Variants in TNIK observed in about 807,000 individuals in gnomAD.
TNIK encodes TRAF2 and NCK-interacting protein kinase.
TNIK carries 49 observed loss-of-function variants against 191.3 expected under a neutral mutation model. That is an observed-to-expected ratio of 0.26 (90% confidence interval 0.20 to 0.32). The LOEUF (loss-of-function observed/expected upper bound fraction) is 0.32, where lower values mean the gene tolerates loss of function less well. Ranked by LOEUF, TNIK falls within the 10% of genes least tolerant of loss-of-function variation. The probability of loss-of-function intolerance (pLI) is 1.00; values close to 1 mark genes in which losing one functional copy is unlikely to be tolerated. For synonymous variants in TNIK, 594 were observed against 600.9 expected (o/e 0.99, Z 0.17); for missense variants, 1,155 against 1,702.3 (o/e 0.68, Z 5.66).
intron 21 of TNIK, among the ~76,000 whole-genome samples, chr3:171,103,841 G>T (rs190227203): frequency 1.8e-4 from 27 of 151,886 alleles, no homozygotes; most frequent in Admixed American, 6.5e-4. Context: ...ATTTCAAAAC[G>T]AGACAAAAGA....
intron 1 of TNIK, among the ~76,000 whole-genome samples, chr3:171,427,981 G>T (rs1440318685): frequency 6.6e-6 from 1 of 152,168 alleles, no homozygotes; most frequent in African/African-American, 2.4e-5. Flanking sequence ...AATGAGGAGG[G>T]TGTGTGTTTG....
chr3:171,296,252 A>G (rs1477501971), intron 2 of TNIK, among the ~76,000 whole-genome samples: 2 of 152,110 alleles, frequency 1.3e-5, no homozygotes, highest in Non-Finnish European at 2.9e-5. Flanking sequence ...TAATTTCTAT[A>G]AATATGTTTT....
chr3:171,359,831 C>T (rs982021061), intron 2 of TNIK, among the ~76,000 whole-genome samples: 2 of 152,000 alleles, frequency 1.3e-5, no homozygotes, highest in African/African-American at 4.8e-5. Context: ...AGTTAAAAAC[C>T]GTGAAGAGCC....
intron 27 of TNIK, 117 bp downstream of exon 27, chr3:171,082,134 A>G (rs1334705402): frequency 7.3e-7 from 1 of 1,374,808 alleles, no homozygotes; most frequent in Non-Finnish European, 9.8e-7. Flanking sequence ...CTATACTGCT[A>G]TACTTTATTG....
intron 2 of TNIK, among the ~76,000 whole-genome samples, chr3:171,278,962 T>C (rs961237530): frequency 6.6e-6 from 1 of 152,182 alleles, no homozygotes; most frequent in Non-Finnish European, 1.5e-5. Context: ...TACTGAGCAC[T>C]ATTATTGATT....
At chr3:171,088,836 T>G (rs1421292877) in intron 23 of TNIK, among the ~76,000 whole-genome samples, 1 of 152,238 alleles carries the variant, frequency 6.6e-6, no homozygotes, top group East Asian at 1.9e-4. Flanking sequence ...CAGATCTGAT[T>G]AAGTGATGAT....
intron 1 of TNIK, among the ~76,000 whole-genome samples, chr3:171,396,019 G>A (rs1015395842): frequency 2.0e-5 from 3 of 152,068 alleles, no homozygotes; most frequent in Non-Finnish European, 2.9e-5. Flanking sequence ...TCAGATATGT[G>A]CAACCATCAC....
intron 23 of TNIK, among the ~76,000 whole-genome samples, chr3:171,089,302 C>T (rs1721755668): frequency 1.3e-5 from 2 of 152,206 alleles, no homozygotes; most frequent in South Asian, 4.1e-4. Context: ...TTCTAAATGA[C>T]ATTTAGGAAA....
At chr3:171,118,727 G>A (rs893492306) in intron 18 of TNIK, among the ~76,000 whole-genome samples, 5 of 152,106 alleles carry the variant, frequency 3.3e-5, no homozygotes, top group African/African-American at 1.2e-4. Flanking sequence ...GGGAAAACTG[G>A]CTAGCCATAT....
At chr3:171,113,989 C>T (rs80085134) in intron 18 of TNIK, among the ~76,000 whole-genome samples, 2,901 of 84,560 alleles carry the variant, frequency 0.034, 99 homozygotes, top group African/African-American at 0.13. Context: ...GAGGATTTTA[C>T]GATTTTGTTA....
At chr3:171,385,936 A>T (rs1245707143) in intron 1 of TNIK, among the ~76,000 whole-genome samples, 1 of 152,176 alleles carries the variant, frequency 6.6e-6, no homozygotes, top group Non-Finnish European at 1.5e-5. Flanking sequence ...TTTTTTGAAC[A>T]AAATGCTGTT....
intron 18 of TNIK, among the ~76,000 whole-genome samples, chr3:171,119,866 G>A (rs1727382335): frequency 6.6e-6 from 1 of 152,158 alleles, no homozygotes; most frequent in Admixed American, 6.5e-5. Flanking sequence ...GTTAATGGGT[G>A]CAGCACACCA....
At chr3:171,076,563 CT>C in intron 28 of TNIK, among the ~76,000 whole-genome samples, 1 of 152,242 alleles carries the variant, frequency 6.6e-6, no homozygotes, top group Non-Finnish European at 1.5e-5. Context: ...TATTGTCATT[CT>C]TTATGTTAAA....
At chr3:171,088,907 G>A (rs1021892629) in intron 23 of TNIK, among the ~76,000 whole-genome samples, 5 of 152,190 alleles carry the variant, frequency 3.3e-5, no homozygotes, top group Non-Finnish European at 5.9e-5. Flanking sequence ...TTCCTACTAA[G>A]TGTAAAGCAT....
At chr3:171,435,914 C>A (rs902293085) in intron 1 of TNIK, among the ~76,000 whole-genome samples, 2 of 152,132 alleles carry the variant, frequency 1.3e-5, no homozygotes, top group African/African-American at 2.4e-5. Flanking sequence ...ACAGACAGAA[C>A]AACTCAGACA....
chr3:171,083,639 C>T (rs1298294794), intron 26 of TNIK, among the ~76,000 whole-genome samples: 1 of 152,144 alleles, frequency 6.6e-6, no homozygotes, highest in Non-Finnish European at 1.5e-5. Flanking sequence ...TTGTTCTTTT[C>T]AAGTTTTATC....
chr3:171,137,680 T>C (rs67154420), intron 15 of TNIK, among the ~76,000 whole-genome samples: 37,396 of 152,110 alleles, frequency 0.25, 6,208 homozygotes, highest in African/African-American at 0.47. Context: ...ACCTCTGATC[T>C]TAAAAGTGAA....
At chr3:171,068,512 T>A (rs934805589) in intron 30 of TNIK, among the ~76,000 whole-genome samples, 1 of 152,172 alleles carries the variant, frequency 6.6e-6, no homozygotes, top group Non-Finnish European at 1.5e-5. Context: ...ATGAACGAAT[T>A]TCCCTTCAAA....
chr3:171,128,911 A>G lies in TNIK; in HGVS notation c.1609-33T>C, dbSNP rs1560154319. 3 of 1,492,358 alleles carry G rather than the reference A, an allele frequency of 2.0e-6. No homozygotes were observed. In the South Asian group the frequency reaches 4.0e-5, roughly 20 times the overall value. The allele number at this position is 1,492,358 out of a possible 1,614,324, so 92.4% of individuals were successfully genotyped here. Reference sequence around the variant, plus strand: ...CCAAAAAAAAAAAAAAAAAAAAGACAGCCTCAATGTATAGAAGTAGATCAC... The same window carrying G: ...CCAAAAAAAAAAAAAAAAAAAAGACGGCCTCAATGTATAGAAGTAGATCAC... On this transcript the variant is annotated intron_variant, in intron 15 of 32. Coordinates refer to ENST00000436636, the MANE Select transcript of TNIK (RefSeq NM_015028.4).
Sources: allele counts gnomAD v4.1 joint callset (sites outside exome capture counted in the v4.1 genomes callset), GRCh38; gene constraint gnomAD v4.1.1; transcripts MANE v1.5; gene names NCBI Gene and HGNC (gene_info 2026-07-23, HGNC 2026-07-21).